ITGB7: variants seen among roughly 807,000 people sequenced by gnomAD.
ITGB7 encodes the protein integrin beta-7.
Under a neutral mutation model 83.4 loss-of-function variants are expected in ITGB7, and 55 were observed. The observed-to-expected ratio is 0.66, with a 90% confidence interval of 0.53 to 0.83. The LOEUF (loss-of-function observed/expected upper bound fraction) is 0.83. ITGB7 is among the 40% of genes least tolerant of loss of function. ITGB7 has a pLI of 0.00. For synonymous variants in ITGB7, 454 were observed against 423.6 expected (o/e 1.07, Z -0.88); for missense variants, 921 against 1,046.7 (o/e 0.88, Z 1.66).
rs1465463269 is a variant in ITGB7, at chr12:53,196,742, G to C, written c.653C>G (p.Thr218Ser). The change falls in exon 6 of 16, where the codon ACC becomes AGC. Residue 218 changes from threonine (T) to serine (S), a missense_variant. By Grantham distance (58) the Thr-to-Ser change is moderately conservative. Coordinates refer to ENST00000267082, the MANE Select transcript of ITGB7 (RefSeq NM_000889.3). ...VPSKLRHPCP[T>S]RLERCQSPFS... ...TGGTGACTGGCAGCGCTCCAGCCGG[G>C]TGGGGCAGGGGTGGCGCAGTTTGGA... 2 of 1,613,816 alleles carry C rather than the reference G, an allele frequency of 1.2e-6. No homozygotes were observed. Among genetic ancestry groups the C allele is most frequent in the South Asian group, 1.1e-5 (1 of 91,036 alleles).
Position 53,195,375 on chromosome 12 carries a change from T to G in ITGB7, c.1160A>C (p.Asn387Thr). ...NVVQLIMDAY[N>T]SLSSTVTLEH... ...TCTCCCCTTCCCCTGGCCCCTCACA[T>G]TATAAGCATCCATGATGAGCTGTAC... The change falls in exon 9 of 16, where the codon AAT (asparagine) becomes ACT (threonine). Residue 387 changes from asparagine to threonine, a missense_variant and splice_region_variant. Physicochemically the swap from Asn to Thr is moderately conservative, Grantham distance 65. Transcript: ENST00000267082. The G allele has an allele frequency of 6.2e-7, 1 of 1,605,240 alleles. No homozygotes were observed. Among genetic ancestry groups the G allele is most frequent in the Non-Finnish European group, 8.5e-7 (1 of 1,172,390 alleles).
At chr12:53,203,023 A>G (rs2120521633) in intron 1 of ITGB7, among the ~76,000 whole-genome samples, 1 of 152,350 alleles carries the variant, frequency 6.6e-6, no homozygotes, top group South Asian at 2.1e-4. Flanking sequence ...GGACTTGGTA[A>G]TGGATTCTTA....
At chr12:53,205,402 TG>T (rs1942418421) in intron 1 of ITGB7, among the ~76,000 whole-genome samples, 3 of 152,054 alleles carry the variant, frequency 2.0e-5, no homozygotes, top group African/African-American at 7.3e-5. Context: ...TTGCCCAGGC[TG>T]GTCTAGAACT....
intron 1 of ITGB7, among the ~76,000 whole-genome samples, chr12:53,204,469 G>T (rs898760971): frequency 2.0e-5 from 3 of 151,770 alleles, no homozygotes; most frequent in Non-Finnish European, 4.4e-5. Flanking sequence ...AACCATTCAT[G>T]AAAGGTCACA....
intron 4 of ITGB7, 37 bp downstream of exon 4, chr12:53,197,713 C>T: frequency 6.3e-7 from 1 of 1,597,430 alleles, no homozygotes; most frequent in South Asian, 1.1e-5. Context: ...GAACGCCAGC[C>T]TAGACCTCTG....
intron 1 of ITGB7, among the ~76,000 whole-genome samples, chr12:53,204,474 G>T (rs777973855): frequency 6.6e-6 from 1 of 151,888 alleles, no homozygotes. Flanking sequence ...TTCATGAAAG[G>T]TCACATATTG....
intron 3 of ITGB7, 123 bp from the exon 4 acceptor site, chr12:53,198,074 C>G (rs1472318033): frequency 7.7e-6 from 5 of 651,014 alleles, no homozygotes; most frequent in Non-Finnish European, 1.3e-5. Context: ...TCCTTGAGTC[C>G]CTGATTCCCT....
At position 53,193,142 on chromosome 12, in the gene ITGB7, C is replaced by A; in HGVS notation, c.1724G>T (p.Gly575Val). The A allele has an allele frequency of 6.2e-7, 1 of 1,607,346 alleles. No individual in the cohort carries two copies. The highest frequency in any genetic ancestry group is 8.5e-7 in the Non-Finnish European group (1 of 1,174,976). ...CTTCTCCCCAAGGCTCCAGGTACCT[C>A]CGCAGAGGATGCCCTCATGTCGCTC... ...SCERHEGILC[G>V]GFGRCQCGVC... Residue 575 changes from glycine to valine, a missense_variant and splice_region_variant, in exon 12 of 16, where the codon GGA becomes GTA. Gly to Val is a moderately radical substitution (Grantham distance 109, BLOSUM62 -3). Transcript: ENST00000267082.
intron 5 of ITGB7, 159 bp downstream of exon 5, chr12:53,197,334 G>T (rs1942198742): frequency 3.9e-6 from 3 of 778,002 alleles, no homozygotes. Flanking sequence ...GAAGATGGGT[G>T]TCTAGGGAGA....
intron 9 of ITGB7, 136 bp from the exon 10 acceptor site, chr12:53,194,480 GTCGA>G (rs1942087087): frequency 1.2e-6 from 1 of 815,110 alleles, no homozygotes. Context: ...ATTCTGCCCA[GTCGA>G]GGCATTTCTG....
intron 3 of ITGB7, among the ~76,000 whole-genome samples, chr12:53,199,099 G>C (rs949606955): frequency 1.3e-5 from 2 of 152,014 alleles, no homozygotes; most frequent in African/African-American, 4.8e-5. Flanking sequence ...CTTTCTCCTG[G>C]GTCCTCTAAG....
At position 53,191,466 on chromosome 12, in the gene ITGB7, C is replaced by T; in HGVS notation, c.*90G>A. ...ACCTCGCCAGTGAATTAGTCCCCTA[C>T]CAAGGTCTTACAGACCCACCCTTCC... On this transcript the variant is annotated 3_prime_UTR_variant, in exon 16 of 16. Transcript: ENST00000267082. 9.8e-7 allele frequency: 1 copy of T among 1,020,504 alleles called. No homozygotes were observed. The highest frequency in any genetic ancestry group is 1.6e-6 in the Non-Finnish European group (1 of 640,818). The allele number at this position is 1,020,504 out of a possible 1,614,324, so 63.2% of individuals were successfully genotyped here. A position where few individuals can be genotyped will look rare whatever the true frequency, so the allele number is the denominator to read the frequency against.
chr12:53,197,552 C>T lies in ITGB7; in HGVS notation c.515G>A (p.Arg172His). 3 of 1,614,162 alleles carry T rather than the reference C, an allele frequency of 1.9e-6. No homozygotes were observed. In the South Asian group the frequency reaches 3.3e-5, roughly 18 times the overall value. ...YSMKDDLERV[R>H]QLGHALLVRL... ...GACCAGCAGAGCGTGCCCGAGCTGG[C>T]GCACGCGTTCCAGGTCGTCCTTCAT... The change falls in exon 5 of 16, where the codon CGC becomes CAC. Residue 172 changes from arginine (R) to histidine (H), a missense_variant. Arg to His is a conservative substitution (Grantham distance 29, BLOSUM62 0). Coordinates refer to ENST00000267082, the MANE Select transcript of ITGB7 (RefSeq NM_000889.3).
At position 53,196,129 on chromosome 12, in the gene ITGB7, C is replaced by G; in HGVS notation, c.887G>C (p.Gly296Ala). The change falls in exon 7 of 16, where the codon GGG becomes GCG. Residue 296 changes from glycine (G) to alanine (A), a missense_variant. Physicochemically the swap from Gly to Ala is moderately conservative, Grantham distance 60 (BLOSUM62 0). Transcript: ENST00000267082. ...FTSDDTFHTA[G>A]DGKLGGIFMP... Reference sequence around the variant, plus strand: ...GAAAATGCCGCCCAACTTCCCGTCCCCAGCTGTATGGAATGTGTCGTCTGA... The same window carrying G: ...GAAAATGCCGCCCAACTTCCCGTCCGCAGCTGTATGGAATGTGTCGTCTGA... 7.4e-6 allele frequency: 12 copies of G among 1,614,216 alleles called. No homozygotes were observed. Among genetic ancestry groups the G allele is most frequent in the Non-Finnish European group, 1.0e-5 (12 of 1,180,022 alleles).
intron 1 of ITGB7, among the ~76,000 whole-genome samples, chr12:53,204,703 C>T (rs1477954309): frequency 6.6e-6 from 1 of 152,200 alleles, no homozygotes; most frequent in East Asian, 1.9e-4. Context: ...GTTTGTGTAT[C>T]TTACCATTTT....
rs781134923 is a variant in ITGB7 at position 53,193,274 on chromosome 12, T to C, written c.1592A>G (p.Asn531Ser). 20 of 1,613,600 alleles carry C rather than the reference T, an allele frequency of 1.2e-5. No individual in the cohort carries two copies. Among genetic ancestry groups the C allele is most frequent in the Admixed American group, 3.3e-5 (2 of 59,984 alleles). The change falls in exon 12 of 16, where the codon AAT (asparagine) becomes AGT (serine). Residue 531 changes from asparagine to serine, a missense_variant. Physicochemically the swap from Asn to Ser is conservative, Grantham distance 46 (BLOSUM62 1). Coordinates refer to ENST00000267082, the MANE Select transcript of ITGB7 (RefSeq NM_000889.3). ...TCCACTGCACAGGGGCCCTGTGCCA[T>C]TGGGAGCCCGGCACCCAGATTCCAG... ...PDLESGCRAP[N>S]GTGPLCSGKG...
chr12:53,195,795 G>T, intron 7 of ITGB7, 74 bp from the exon 8 acceptor site: 1 of 1,306,088 alleles, frequency 7.7e-7, no homozygotes, highest in Non-Finnish European at 1.1e-6. Flanking sequence ...TCAGCCCAGG[G>T]AATCCAGGAA....
chr12:53,193,061 C>A, intron 12 of ITGB7, 79 bp downstream of exon 12: 1 of 1,429,124 alleles, frequency 7.0e-7, no homozygotes, highest in South Asian at 1.3e-5. Context: ...ATTTGCCTTC[C>A]ATGCCAGGAG....
At position 53,192,880 on chromosome 12, in the gene ITGB7, TG is replaced by T; in HGVS notation, c.1756del (p.His586ThrfsTer90). On this transcript the variant is annotated frameshift_variant, in exon 13 of 16. Transcript: ENST00000267082. LOFTEE classifies it high-confidence loss of function. ...GFGRCQCGVC[H>X]CHANRTGRAC... ...TCTGCCCGTGCGGTTGGCATGACAG[TG>T]ACATACTCCACATTGGCAGCGACCA... is the stretch of plus-strand genomic sequence containing the variant. 2 of 1,614,144 alleles carry T rather than the reference TG, an allele frequency of 1.2e-6. No individual in the cohort carries two copies. The highest frequency in any genetic ancestry group is 1.7e-6 in the Non-Finnish European group (2 of 1,180,018).
Sources: gnomAD v4.1 joint callset for allele counts (sites outside exome capture counted in the v4.1 genomes callset) on GRCh38, gnomAD v4.1.1 for gene constraint, MANE v1.5 for transcripts, NCBI Gene and HGNC (gene_info 2026-07-23, HGNC 2026-07-21) for gene names.